RSPH14: variants seen among roughly 807,000 people sequenced by gnomAD.
RSPH14 encodes the protein radial spoke head 14 homolog.
Under a neutral mutation model 26.7 loss-of-function variants are expected in RSPH14, and 20 were observed. That is an observed-to-expected ratio of 0.75 (90% CI 0.53 to 1.09). RSPH14 has a LOEUF of 1.09. RSPH14 is among the 50% of genes least tolerant of loss of function. The pLI is 0.00. For synonymous variants in RSPH14, 177 were observed against 189.3 expected, an observed-to-expected ratio of 0.93 and a Z score of 0.53; for missense variants, 449 against 457.2, an observed-to-expected ratio of 0.98 and a Z score of 0.16.
chr22:23,061,707 G>A (rs2068096459), intron 6 of RSPH14, 102 bp downstream of exon 6: 9 of 1,296,698 alleles, frequency 6.9e-6, no homozygotes, highest in Non-Finnish European at 9.5e-6. Flanking sequence ...TTTGCAAAGT[G>A]TGGAGTTTGG....
At chr22:23,146,503 C>T, upstream of RSPH14, 1 of 1,480,088 alleles carries the variant, frequency 6.8e-7, no homozygotes, top group Non-Finnish European at 9.0e-7. Flanking sequence ...TGAGCCACTG[C>T]ACCCAGCCTG....
chr22:23,091,706 A>G (rs1018411398), intron 4 of RSPH14, among the ~76,000 whole-genome samples: 8 of 152,202 alleles, frequency 5.3e-5, no homozygotes, highest in South Asian at 4.1e-4. Flanking sequence ...ACGCACCGCA[A>G]TGGACCTGCA....
At chr22:23,162,264 G>A in the RSPH14 span, 3 of 223,074 alleles carry the variant, frequency 1.3e-5, no homozygotes, top group Admixed American at 5.1e-5. Flanking sequence ...CTCCTGGTCC[G>A]TGGGCCAGGA....
chr22:23,146,456 C>T (rs2146478862), upstream of RSPH14: 1 of 1,327,876 alleles, frequency 7.5e-7, no homozygotes, highest in African/African-American at 1.5e-5. Context: ...AAGTGATCCT[C>T]CCACCTTGGC....
At chr22:23,139,084 A>G (rs2070540685) in intron 2 of RSPH14, 142 bp from the exon 3 acceptor site, 1 of 633,366 alleles carries the variant, frequency 1.6e-6, no homozygotes, top group East Asian at 2.7e-5. Context: ...CTGGGGAATC[A>G]TGTTGGTTAT....
intron 4 of RSPH14, chr22:23,096,212 G>A (rs1457866450): frequency 3.7e-6 from 6 of 1,613,788 alleles, no homozygotes; most frequent in South Asian, 1.1e-5. Flanking sequence ...CCCCACTGTC[G>A]AGGACATCCT....
the RSPH14 span, among the ~76,000 whole-genome samples, chr22:23,160,024 T>A: frequency 6.6e-6 from 1 of 152,164 alleles, no homozygotes; most frequent in Non-Finnish European, 1.5e-5. Context: ...TGTTGGGGGA[T>A]GAAATGAAGT....
intron 6 of RSPH14, among the ~76,000 whole-genome samples, chr22:23,060,694 G>A (rs1391999750): frequency 2.0e-5 from 3 of 152,026 alleles, no homozygotes; most frequent in South Asian, 2.1e-4. Flanking sequence ...CATTGTCCTT[G>A]GGATTGATCC....
Position 23,064,081 on chromosome 22 carries a change from C to A in RSPH14, c.474G>T (p.Leu158=), listed in dbSNP as rs2068150144. 6.2e-7 allele frequency: 1 copy of A among 1,614,108 alleles called. No homozygotes were observed. The highest frequency in any genetic ancestry group is 1.3e-5 in the African/African-American group (1 of 74,940). The change falls in exon 5 of 7, where the codon CTG becomes CTT. Residue 158 remains leucine, a synonymous_variant. Transcript: ENST00000216036. The stretch of plus-strand genomic sequence containing the variant: ...ACTCCTCCTCCTCCACCTCCACCTG[C>A]AGCTTCCATACCAGTGAGGAAATCA... The part of the protein sequence containing the change: ...KGLISSLVWK[L]QVEVEEEEFQ...
At chr22:23,078,989 C>T (rs2068593130) in intron 4 of RSPH14, among the ~76,000 whole-genome samples, 2 of 152,192 alleles carry the variant, frequency 1.3e-5, no homozygotes, top group Non-Finnish European at 2.9e-5. Context: ...CCCCAACTAT[C>T]CCCTCCGTGA....
chr22:23,119,167 G>C (rs887774231), intron 4 of RSPH14, among the ~76,000 whole-genome samples: 4 of 152,210 alleles, frequency 2.6e-5, no homozygotes, highest in African/African-American at 9.7e-5. Context: ...TTGCCCACCT[G>C]TCTGCACTCC....
At position 23,089,139 on chromosome 22, in the gene RSPH14, C is replaced by A. The variant is rs545383871; in HGVS notation, c.422-25006G>T. Reference sequence around the variant, plus strand: ...GGGACCTGGAGAGTGAGGGGCTGGACTGCCGTCTCTGAGGAAGTCAGGCAC... The same window carrying A: ...GGGACCTGGAGAGTGAGGGGCTGGAATGCCGTCTCTGAGGAAGTCAGGCAC... On this transcript the variant is annotated intron_variant, in intron 4 of 6. Coordinates refer to ENST00000216036, the MANE Select transcript of RSPH14 (RefSeq NM_014433.3). Among the ~76,000 whole-genome samples, 7 of 152,282 alleles carry A rather than the reference C, an allele frequency of 4.6e-5. No individual in the cohort carries two copies. In the East Asian group the frequency reaches 1.4e-3, roughly 29 times the overall value.
At chr22:23,067,980 C>G (rs989244632) in intron 4 of RSPH14, among the ~76,000 whole-genome samples, 8 of 152,256 alleles carry the variant, frequency 5.3e-5, no homozygotes, top group African/African-American at 1.9e-4. Context: ...ACCACGCCTA[C>G]TGTAAACAGG....
chr22:23,062,031 GAAAT>G (rs2068107991), intron 5 of RSPH14, 86 bp from the exon 6 acceptor site: 1 of 1,515,734 alleles, frequency 6.6e-7, no homozygotes, highest in African/African-American at 1.4e-5. Flanking sequence ...AGACACAAAA[GAAAT>G]AATTGTGTGG....
the RSPH14 span, chr22:23,153,077 G>A: frequency 4.3e-6 from 7 of 1,614,092 alleles, no homozygotes; most frequent in Non-Finnish European, 5.9e-6. Flanking sequence ...GCCACCATTG[G>A]GGTGGACTTT....
At chr22:23,143,316 T>C (rs912899476), upstream of RSPH14, among the ~76,000 whole-genome samples, 3 of 142,498 alleles carry the variant, frequency 2.1e-5, no homozygotes, top group African/African-American at 8.0e-5. Context: ...AATAAATAAA[T>C]AAATAAATAA....
At chr22:23,099,151 C>T (rs111249444) in intron 4 of RSPH14, among the ~76,000 whole-genome samples, 171 of 152,372 alleles carry the variant, frequency 1.1e-3, no homozygotes, top group Middle Eastern at 6.8e-3. Context: ...CACAGCCCCC[C>T]GGCCCACCCG....
intron 4 of RSPH14, among the ~76,000 whole-genome samples, chr22:23,114,253 A>G (rs946078859): frequency 7.2e-5 from 11 of 152,136 alleles, no homozygotes; most frequent in South Asian, 2.1e-4. Context: ...TCGGCGTGAA[A>G]AAGCTGAATT....
intron 5 of RSPH14, among the ~76,000 whole-genome samples, chr22:23,063,669 A>G (rs1281683444): frequency 1.3e-5 from 2 of 152,146 alleles, no homozygotes; most frequent in African/African-American, 4.8e-5. Flanking sequence ...GTGCACAATC[A>G]TCTGGCTTTG....
Sources: allele counts gnomAD v4.1 joint callset (sites outside exome capture counted in the v4.1 genomes callset), GRCh38; gene constraint gnomAD v4.1.1; transcripts MANE v1.5; gene names NCBI Gene and HGNC (gene_info 2026-07-23, HGNC 2026-07-21).